Variants in RABGAP1 observed in about 807,000 individuals in gnomAD.
RABGAP1 encodes RAB GTPase activating protein 1.
A neutral mutation model predicts 137.6 loss-of-function variants in RABGAP1; 23 were observed. The ratio of observed to expected loss-of-function variants is 0.17; its 90% CI spans 0.12 to 0.24. RABGAP1 has a LOEUF of 0.24. Among genes scored for constraint, RABGAP1 ranks in the 10% least tolerant of loss-of-function variants. The pLI is 1.00. For synonymous variants in RABGAP1, 451 were observed against 450.7 expected (o/e 1.00, Z -0.01); for missense variants, 906 against 1,275.8 (o/e 0.71, Z 4.42).
chr9:123,095,226 CAAAAAA>C (rs55675466), intron 21 of RABGAP1, among the ~76,000 whole-genome samples: 9 of 61,250 alleles, frequency 1.5e-4, no homozygotes, highest in South Asian at 9.4e-4. Context: ...AACCTTGTCC[CAAAAAA>C]AAAAAAAAAA....
intron 21 of RABGAP1, among the ~76,000 whole-genome samples, chr9:123,094,178 A>G (rs1329034544): frequency 1.3e-5 from 2 of 152,148 alleles, no homozygotes; most frequent in African/African-American, 4.8e-5. Context: ...CACATATACA[A>G]TCATATCATC....
At chr9:122,962,501 A>G (rs1034457707) in intron 2 of RABGAP1, among the ~76,000 whole-genome samples, 1 of 152,134 alleles carries the variant, frequency 6.6e-6, no homozygotes, top group Non-Finnish European at 1.5e-5. Flanking sequence ...AGCCCAAGTG[A>G]CAGAGTGAGA....
chr9:123,087,442 C>G (rs1174879000), intron 19 of RABGAP1, among the ~76,000 whole-genome samples: 1 of 152,082 alleles, frequency 6.6e-6, no homozygotes, highest in Non-Finnish European at 1.5e-5. Context: ...GTTTGCTGTT[C>G]GCAGCCGCAT....
chr9:122,957,788 C>T (rs974908935), intron 2 of RABGAP1, among the ~76,000 whole-genome samples: 1 of 151,884 alleles, frequency 6.6e-6, no homozygotes, highest in Non-Finnish European at 1.5e-5. Context: ...CAAATGTTTA[C>T]TAAGTAATGA....
At chr9:123,010,953 T>G (rs1287982906) in intron 11 of RABGAP1, among the ~76,000 whole-genome samples, 1 of 151,896 alleles carries the variant, frequency 6.6e-6, no homozygotes, top group Non-Finnish European at 1.5e-5. Context: ...TATACGTTTA[T>G]ATATTACTAT....
chr9:123,064,120 C>T (rs1470658372), intron 13 of RABGAP1, among the ~76,000 whole-genome samples: 2 of 152,172 alleles, frequency 1.3e-5, no homozygotes, highest in Non-Finnish European at 1.5e-5. Flanking sequence ...CCCACTTTCT[C>T]AACTTTTGAA....
At chr9:123,094,919 A>G (rs995721155) in intron 21 of RABGAP1, among the ~76,000 whole-genome samples, 3 of 152,156 alleles carry the variant, frequency 2.0e-5, no homozygotes, top group African/African-American at 7.2e-5. Flanking sequence ...GGTTGTTTGT[A>G]TTCTTTTAAT....
At chr9:122,980,977 A>G (rs1196568051) in intron 2 of RABGAP1, among the ~76,000 whole-genome samples, 1 of 152,124 alleles carries the variant, frequency 6.6e-6, no homozygotes, top group Non-Finnish European at 1.5e-5. Flanking sequence ...GATTTGAGGC[A>G]GTGTTTCTCA....
intron 11 of RABGAP1, among the ~76,000 whole-genome samples, chr9:123,015,005 C>T (rs1190398116): frequency 6.6e-6 from 1 of 152,030 alleles, no homozygotes; most frequent in Non-Finnish European, 1.5e-5. Context: ...TCCCATGACA[C>T]GTGGGATTAT....
At chr9:123,007,320 T>G (rs1401882153) in intron 10 of RABGAP1, among the ~76,000 whole-genome samples, 1 of 151,026 alleles carries the variant, frequency 6.6e-6, no homozygotes. Context: ...AGTAATCTAC[T>G]TGCCTAGGCC....
intron 13 of RABGAP1, among the ~76,000 whole-genome samples, chr9:123,031,677 A>G (rs944773755): frequency 1.3e-5 from 2 of 152,216 alleles, no homozygotes; most frequent in African/African-American, 4.8e-5. Context: ...GAGAGTGGTC[A>G]AGGTGATTGA....
chr9:122,968,149 T>A (rs1835273098), intron 2 of RABGAP1, among the ~76,000 whole-genome samples: 1 of 152,104 alleles, frequency 6.6e-6, no homozygotes, highest in African/African-American at 2.4e-5. Context: ...TGAGTAAAAT[T>A]ACATCAGTGT....
chr9:123,073,779 A>T, intron 16 of RABGAP1, 102 bp downstream of exon 16: 3 of 1,465,020 alleles, frequency 2.0e-6, no homozygotes, highest in Non-Finnish European at 2.8e-6. Context: ...TGCCTTAGCG[A>T]TCCGTGGCTA....
At chr9:123,063,828 A>C (rs1309762011) in intron 13 of RABGAP1, among the ~76,000 whole-genome samples, 1 of 152,170 alleles carries the variant, frequency 6.6e-6, no homozygotes, top group African/African-American at 2.4e-5. Context: ...CCTGTGACTT[A>C]CCTTTTCATA....
chr9:123,076,324 C>G (rs528440920), intron 18 of RABGAP1, 38 bp downstream of exon 18: 1 of 1,577,708 alleles, frequency 6.3e-7, no homozygotes, highest in East Asian at 2.2e-5. Flanking sequence ...TCTGTCATTC[C>G]CTGCTCTGCA....
In RABGAP1 at chr9:123,044,067, G is replaced by GT. The variant is rs1031675694; in HGVS notation, c.1795-21272dup. Among the ~76,000 whole-genome samples the GT allele has an allele frequency of 6.2e-4, 94 of 150,624 alleles. 1 individual carries two copies. Among genetic ancestry groups the GT allele is most frequent in the Admixed American group, 2.6e-3 (40 of 15,138 alleles). On this transcript the variant is annotated intron_variant, in intron 13 of 25. Transcript: ENST00000373647. The stretch of plus-strand genomic sequence containing the variant: ...AGGCGCCCACCACCATGCATGGCTA[G>GT]TTTTTTTTTGTATTTTTAGTAGAGA...
chr9:123,057,512 G>T (rs1173285234), intron 13 of RABGAP1, among the ~76,000 whole-genome samples: 1 of 150,836 alleles, frequency 6.6e-6, no homozygotes, highest in African/African-American at 2.4e-5. Context: ...GGGAAGAGGC[G>T]CTCCTCACTT....
intron 1 of RABGAP1, among the ~76,000 whole-genome samples, chr9:122,944,748 T>A (rs542035404): frequency 3.9e-4 from 59 of 151,856 alleles, no homozygotes; most frequent in Non-Finnish European, 7.9e-4. Flanking sequence ...TTTTTTTTTT[T>A]TTATTTTTAG....
chr9:122,975,182 T>A lies in RABGAP1; in HGVS notation c.151-9303T>A, dbSNP rs568226571. Among the ~76,000 whole-genome samples the A allele has an allele frequency of 4.6e-5, 7 of 152,304 alleles. No individual in the cohort carries two copies. The East Asian group carries it at 1.2e-3, about 25-fold the overall frequency. On this transcript the variant is annotated intron_variant, in intron 2 of 25. Coordinates refer to ENST00000373647, the MANE Select transcript of RABGAP1 (RefSeq NM_012197.4). ...GAATTCGTCTTTAATTTTCTGATCATCTAGGGACTTCTCAAGCACAAAGTG... is the reference window on the plus strand; with the variant it reads ...GAATTCGTCTTTAATTTTCTGATCAACTAGGGACTTCTCAAGCACAAAGTG...
Sources: allele counts gnomAD v4.1 joint callset (sites outside exome capture counted in the v4.1 genomes callset), GRCh38; gene constraint gnomAD v4.1.1; transcripts MANE v1.5; gene names NCBI Gene and HGNC (gene_info 2026-07-23, HGNC 2026-07-21).